The following ITGB2 variants were observed in gnomAD, a reference collection of about 807,000 sequenced individuals.
ITGB2 encodes the protein integrin subunit beta 2.
ITGB2 carries 56 observed loss-of-function variants against 86.8 expected under a neutral mutation model. The ratio of observed to expected loss-of-function variants is 0.65; its 90% confidence interval spans 0.52 to 0.81. The LOEUF is 0.81. Among genes scored for constraint, ITGB2 ranks in the 30% least tolerant of loss-of-function variants. The pLI is 0.00. For missense variants in ITGB2, 948 were observed against 1,061.2 expected (o/e 0.89, Z 1.48); for synonymous variants, 457 against 450.4 (o/e 1.01, Z -0.19).
In ITGB2 at chr21:44,889,122, C is replaced by T. The variant is rs556820920; in HGVS notation, c.1877+154G>A. 4.2e-5 allele frequency: 32 copies of T among 757,150 alleles called. No homozygotes were observed. In the Middle Eastern group the frequency reaches 1.9e-3, roughly 44 times the overall value. The allele number at this position is 757,150 out of a possible 1,614,324, so 46.9% of individuals were successfully genotyped here. ...AGGAGGGAGGAGGGACACAGGGGCA[C>T]GGCGGCCGCGGAGGGCCCCTCAGTC... is the stretch of plus-strand genomic sequence containing the variant. On this transcript the variant is annotated intron_variant, in intron 13 of 15. Transcript: ENST00000652462.
intron 13 of ITGB2, 98 bp downstream of exon 13, chr21:44,889,178 A>T: frequency 8.4e-7 from 1 of 1,195,448 alleles, no homozygotes. Flanking sequence ...CCCGCGGTGC[A>T]GAGGTGCTCA....
At chr21:44,899,829 T>C (rs1020262447) in intron 7 of ITGB2, among the ~76,000 whole-genome samples, 4 of 152,166 alleles carry the variant, frequency 2.6e-5, no homozygotes, top group Non-Finnish European at 4.4e-5. Context: ...ATGTTCCTCA[T>C]GGTCCCCGCA....
At chr21:44,921,461 G>C (rs2084303364), upstream of ITGB2, 2 of 152,818 alleles carry the variant, frequency 1.3e-5, no homozygotes, top group African/African-American at 4.8e-5. Flanking sequence ...GATCTGGGCG[G>C]GGACGTGGAT....
chr21:44,886,358 C>A lies in ITGB2; in HGVS notation c.*10G>T, dbSNP rs1210259971. The A allele has an allele frequency of 6.2e-7, 1 of 1,613,770 alleles. No homozygotes were observed. Among genetic ancestry groups the A allele is most frequent in the Non-Finnish European group, 8.5e-7 (1 of 1,179,756 alleles). On this transcript the variant is annotated 3_prime_UTR_variant, in exon 16 of 16. Coordinates refer to ENST00000652462, the MANE Select transcript of ITGB2 (RefSeq NM_000211.5). ...GTGGGTCCTGACGGCCTTGTCTTCA[C>A]CAAGTGCTCCTAACTCTCAGCAAAC...
At position 44,886,198 on chromosome 21, in the gene ITGB2, G is replaced by A. The variant is rs952815585; in HGVS notation, c.*170C>T. On this transcript the variant is annotated 3_prime_UTR_variant, in exon 16 of 16. Coordinates refer to ENST00000652462, the MANE Select transcript of ITGB2 (RefSeq NM_000211.5). The stretch of plus-strand genomic sequence containing the variant: ...CCAGTCAGAGTGGAGCTGTCCCCCC[G>A]ACGAGCCCCCAGAAGCACCCGGCCG... 5.2e-5 allele frequency: 35 copies of A among 678,924 alleles called. No homozygotes were observed. Among genetic ancestry groups the A allele is most frequent in the South Asian group, 8.1e-5 (5 of 61,430 alleles). 42.1% of individuals were successfully genotyped at this position (678,924 alleles called of 1,614,324 possible). A position where few individuals can be genotyped will look rare whatever the true frequency, so the allele number is the denominator to read the frequency against.
At chr21:44,920,794 G>A (rs1435204840) in intron 1 of ITGB2, 27 bp downstream of exon 1, 1 of 152,512 alleles carries the variant, frequency 6.6e-6, no homozygotes, top group East Asian at 1.9e-4. Context: ...AATCACCGTG[G>A]ACATAGCGGG....
At chr21:44,916,152 A>G (rs1362855806) in intron 1 of ITGB2, among the ~76,000 whole-genome samples, 1 of 151,960 alleles carries the variant, frequency 6.6e-6, no homozygotes, top group East Asian at 1.9e-4. Context: ...CGAACTCCTG[A>G]CCTCGTGATC....
At position 44,903,464 on chromosome 21, in the gene ITGB2, C is replaced by T. The variant is rs745917556; in HGVS notation, c.400G>A (p.Asp134Asn). 2.5e-6 allele frequency: 4 copies of T among 1,614,056 alleles called. No homozygotes were observed. The highest frequency in any genetic ancestry group is 3.4e-6 in the Non-Finnish European group (4 of 1,179,976). Residue 134 changes from aspartate (D) to asparagine (N), a missense_variant, in exon 5 of 16, where the codon GAC becomes AAC. By Grantham distance (23) the Asp-to-Asn change is conservative. Coordinates refer to ENST00000652462, the MANE Select transcript of ITGB2 (RefSeq NM_000211.5). ...GYPIDLYYLM[D>N]LSYSMLDDLR... Reference sequence around the variant, plus strand: ...TCATCAAGCATGGAGTAGGAGAGGTCCATCAGATAGTACAGGTCGATGGGG... The same window carrying T: ...TCATCAAGCATGGAGTAGGAGAGGTTCATCAGATAGTACAGGTCGATGGGG...
upstream of ITGB2, among the ~76,000 whole-genome samples, chr21:44,925,428 G>T (rs2084360311): frequency 1.0e-5 from 1 of 99,848 alleles, no homozygotes; most frequent in African/African-American, 3.5e-5. Flanking sequence ...GGGAGGGAAG[G>T]AAGGAAGGAA....
chr21:44,904,858 G>A (rs545302432), intron 4 of ITGB2, among the ~76,000 whole-genome samples: 41 of 151,104 alleles, frequency 2.7e-4, no homozygotes, highest in Admixed American at 1.1e-3. Context: ...ACACACATGC[G>A]CTCACACACA....
At chr21:44,899,920 A>G (rs1164811112) in intron 7 of ITGB2, among the ~76,000 whole-genome samples, 1 of 152,156 alleles carries the variant, frequency 6.6e-6, no homozygotes, top group Admixed American at 6.5e-5. Context: ...GGGAACGTAC[A>G]GTGGAGGCCG....
chr21:44,893,191 A>G (rs2083815412), intron 10 of ITGB2: 6 of 560,620 alleles, frequency 1.1e-5, no homozygotes, highest in Admixed American at 6.1e-5. Context: ...GGAAAGAAAC[A>G]GGGTCCTTCC....
chr21:44,900,400 C>T lies in ITGB2; in HGVS notation c.817G>A (p.Gly273Arg), dbSNP rs137852618. 6.3e-5 allele frequency: 101 copies of T among 1,613,960 alleles called. No individual in the cohort carries two copies. Among genetic ancestry groups the T allele is most frequent in the Non-Finnish European group, 7.3e-5 (86 of 1,179,954 alleles). The change falls in exon 7 of 16, where the codon GGG becomes AGG. Residue 273 changes from glycine (G) to arginine (R), a missense_variant. Gly to Arg is a moderately radical substitution (Grantham distance 125, BLOSUM62 -2). Coordinates refer to ENST00000652462, the MANE Select transcript of ITGB2 (RefSeq NM_000211.5). ...GGGGTCAGGATGGCGCCCAGCTTCC[C>T]GTCGCCCGCGAAATGGAAGCCGTCA... is the stretch of plus-strand genomic sequence containing the variant. Reference protein sequence around the residue: ...TDDGFHFAGDGKLGAILTPND... With the variant: ...TDDGFHFAGDRKLGAILTPND...
intron 1 of ITGB2, among the ~76,000 whole-genome samples, chr21:44,919,192 C>T (rs753243629): frequency 2.3e-4 from 35 of 152,306 alleles, no homozygotes; most frequent in Admixed American, 5.2e-4. Context: ...CCATGTGGGA[C>T]ATCTGTTCTG....
At position 44,888,829 on chromosome 21, in the gene ITGB2, C is replaced by G. The variant is rs139840790; in HGVS notation, c.1944G>C (p.Pro648=). 3.6e-5 allele frequency: 58 copies of G among 1,610,878 alleles called. No homozygotes were observed. The highest frequency in any genetic ancestry group is 2.0e-4 in the East Asian group (9 of 44,878). Residue 648 remains proline, a synonymous_variant, in exon 14 of 16, where the codon CCG becomes CCC. Coordinates refer to ENST00000652462, the MANE Select transcript of ITGB2 (RefSeq NM_000211.5). ...CGGGGTTGTTCGACAGCTGCAGGCC[C>G]GGACACGCCGCGCTGCAGTTCTTCC... ...PFGKNCSAAC[P]GLQLSNNPVK... is the part of the protein sequence containing the mutation.
chr21:44,893,898 A>G (rs1304053320), intron 9 of ITGB2: 4 of 354,834 alleles, frequency 1.1e-5, no homozygotes, highest in Admixed American at 3.8e-5. Context: ...AGAGAGGCAG[A>G]GACAGACAGA....
rs531302606 is a variant in ITGB2 at position 44,920,193 on chromosome 21, C to T, written c.-4+628G>A. Among the ~76,000 whole-genome samples the T allele has an allele frequency of 3.9e-5, 6 of 152,210 alleles. No individual in the cohort carries two copies. In the South Asian group the frequency reaches 1.2e-3, roughly 32 times the overall value. On this transcript the variant is annotated intron_variant, in intron 1 of 15. Transcript: ENST00000652462. ...CACATGTGCACCATACATGTACATA[C>T]AACAGACTCCCCACATCACATGCGC...
intron 11 of ITGB2, 128 bp downstream of exon 11, chr21:44,891,681 G>T (rs2083787021): frequency 9.5e-7 from 1 of 1,055,980 alleles, no homozygotes; most frequent in East Asian, 2.6e-5. Flanking sequence ...GCAGAAGGGG[G>T]CCCCCAGGAT....
At chr21:44,926,302 G>A (rs533388486) in intron 1 of ITGB2, among the ~76,000 whole-genome samples, 1 of 152,292 alleles carries the variant, frequency 6.6e-6, no homozygotes, top group East Asian at 1.9e-4. Context: ...TGTTGCACAA[G>A]GCTGGAAGTC....
Sources: allele counts gnomAD v4.1 joint callset (sites outside exome capture counted in the v4.1 genomes callset), GRCh38; gene constraint gnomAD v4.1.1; transcripts MANE v1.5; gene names NCBI Gene and HGNC (gene_info 2026-07-23, HGNC 2026-07-21).